AMELX: variants seen among roughly 807,000 people sequenced by gnomAD.
AMELX encodes the protein amelogenin, X isoform.
In AMELX, 9 loss-of-function variants were observed where a neutral mutation model predicts 15.8. The ratio of observed to expected loss-of-function variants is 0.57; its 90% confidence interval spans 0.34 to 0.99. AMELX has a LOEUF of 0.99. AMELX is among the 50% of genes least tolerant of loss of function. AMELX has a pLI of 0.02. For synonymous variants in AMELX, 61 were observed against 58.8 expected, an observed-to-expected ratio of 1.04 and a Z score of -0.17; for missense variants, 107 against 156.2, an observed-to-expected ratio of 0.68 and a Z score of 1.68.
the AMELX span, among the ~76,000 whole-genome samples, chrX:11,306,028 TG>T: frequency 9.0e-6 from 1 of 111,698 alleles, no homozygotes; most frequent in Non-Finnish European, 1.9e-5. Context: ...GCCTCCTTGC[TG>T]CTGTATCCCA....
chrX:11,303,897 T>C (rs183792073), downstream of AMELX, among the ~76,000 whole-genome samples: 2 of 112,029 alleles, frequency 1.8e-5, no homozygotes, highest in Admixed American at 9.4e-5. Flanking sequence ...TATCATGCTC[T>C]GCTCTGAGTC....
At chrX:11,294,908 C>A in intron 2 of AMELX, 66 bp downstream of exon 2, 1 of 1,122,072 alleles carries the variant, frequency 8.9e-7, no homozygotes, top group Non-Finnish European at 1.2e-6. Flanking sequence ...AAAATCTGCT[C>A]ATAGTTGGTG....
the AMELX span, among the ~76,000 whole-genome samples, chrX:11,309,047 C>T: frequency 5.4e-5 from 6 of 111,687 alleles, no homozygotes; most frequent in South Asian, 3.8e-4. Flanking sequence ...GAGACTCAAG[C>T]GCCAGGACAC....
chrX:11,296,707 C>T, intron 2 of AMELX, 72 bp from the exon 3 acceptor site: 1 of 1,064,095 alleles, frequency 9.4e-7, no homozygotes, highest in South Asian at 1.9e-5. Flanking sequence ...TTAATCTCTT[C>T]CTCTCTCTTC....
chrX:11,302,160 T>G (rs759142589), downstream of AMELX, among the ~76,000 whole-genome samples: 12 of 112,388 alleles, frequency 1.1e-4, no homozygotes, highest in African/African-American at 1.9e-4. Context: ...TCCTCCGTCA[T>G]AGTAGACACA....
At chrX:11,304,595 G>A (rs1409840947), downstream of AMELX, among the ~76,000 whole-genome samples, 5 of 109,048 alleles carry the variant, frequency 4.6e-5, no homozygotes, top group Non-Finnish European at 7.6e-5. Flanking sequence ...TCATGGGGGC[G>A]CTCCACTAAG....
downstream of AMELX, among the ~76,000 whole-genome samples, chrX:11,305,486 A>G (rs998043594): frequency 8.9e-6 from 1 of 112,593 alleles, no homozygotes; most frequent in Non-Finnish European, 1.9e-5. Flanking sequence ...GGAGGTTACA[A>G]GAAGCTTGTC....
intron 5 of AMELX, among the ~76,000 whole-genome samples, chrX:11,300,178 C>T (rs2048152439): frequency 8.9e-6 from 1 of 111,747 alleles, no homozygotes; most frequent in Admixed American, 9.5e-5. Context: ...TTATAATGTG[C>T]TCACATCTTG....
In AMELX at chrX:11,300,651, C is replaced by T. The variant is rs369247345; in HGVS notation, c.*39C>T. Reference sequence around the variant, plus strand: ...GAGAGGGGAATGAATACTTCAGATGCTTTCAGGAGTGACACAAGAACACAA... The same window carrying T: ...GAGAGGGGAATGAATACTTCAGATGTTTTCAGGAGTGACACAAGAACACAA... On this transcript the variant is annotated 3_prime_UTR_variant, in exon 6 of 6. Transcript: ENST00000380714. 9.5e-6 allele frequency: 11 copies of T among 1,162,385 alleles called. 1 individual carries two copies. The Admixed American group carries it at 1.1e-4, about 12-fold the overall frequency.
chrX:11,296,198 T>G (rs2048080944), intron 2 of AMELX, among the ~76,000 whole-genome samples: 1 of 112,617 alleles, frequency 8.9e-6, no homozygotes, highest in Non-Finnish European at 1.9e-5. Context: ...TGGTTTCTTT[T>G]GTGGCTTCTT....
At chrX:11,296,537 A>C (rs1345977300) in intron 2 of AMELX, among the ~76,000 whole-genome samples, 2 of 112,075 alleles carry the variant, frequency 1.8e-5, no homozygotes, top group Admixed American at 9.4e-5. Flanking sequence ...AACCCCAGGA[A>C]CAGTCATTTA....
At chrX:11,306,074 C>T in the AMELX span, among the ~76,000 whole-genome samples, 1 of 111,581 alleles carries the variant, frequency 9.0e-6, no homozygotes, top group Non-Finnish European at 1.9e-5. Context: ...ACCCTCACCT[C>T]AATGCCACCT....
rs764860638 is a variant in AMELX, at chrX:11,298,962, C to T, written c.559C>T (p.Arg187Trp). 9.9e-6 allele frequency: 12 copies of T among 1,207,710 alleles called. No homozygotes were observed. Among genetic ancestry groups the T allele is most frequent in the East Asian group, 3.0e-5 (1 of 33,704 alleles). The stretch of plus-strand genomic sequence containing the variant: ...TTGGCCATCAACAGACAAGACCAAG[C>T]GGGAGGAAGTGGTGAGTATATTTTG... ...EAWPSTDKTKREEVD is the reference protein window; with the variant it reads ...EAWPSTDKTKWEEVD Residue 187 changes from arginine to tryptophan, a missense_variant, in exon 5 of 6, where the codon CGG becomes TGG. Transcript: ENST00000380714.
At chrX:11,303,199 T>C (rs1485043280), downstream of AMELX, among the ~76,000 whole-genome samples, 1 of 112,770 alleles carries the variant, frequency 8.9e-6, no homozygotes, top group African/African-American at 3.2e-5. Flanking sequence ...TGTTGTGAAA[T>C]TCTTGTTAGT....
At chrX:11,308,911 T>C in the AMELX span, among the ~76,000 whole-genome samples, 1 of 112,215 alleles carries the variant, frequency 8.9e-6, no homozygotes, top group Non-Finnish European at 1.9e-5. Flanking sequence ...AATAAAAATA[T>C]ACACGTCTTG....
At chrX:11,294,969 G>A in intron 2 of AMELX, 127 bp downstream of exon 2, 1 of 773,864 alleles carries the variant, frequency 1.3e-6, no homozygotes, top group Admixed American at 2.4e-5. Context: ...ATGTCTCTGG[G>A]TTGAAGAAAC....
Position 11,300,596 on chromosome X carries a change from A to T in AMELX, c.571-11A>T, listed in dbSNP as rs2048159632. 8.4e-7 allele frequency: 1 copy of T among 1,191,289 alleles called. No individual in the cohort carries two copies. The highest frequency in any genetic ancestry group is 2.2e-5 in the Admixed American group (1 of 45,720). On this transcript the variant is annotated splice_polypyrimidine_tract_variant and intron_variant, in intron 5 of 5. Coordinates refer to ENST00000380714, the MANE Select transcript of AMELX (RefSeq NM_001142.2). ...AAATTATTTTAACTGTTCTTTTGCA[A>T]TTTTTTTCAGGATTAAAAGATCAGA... is the stretch of plus-strand genomic sequence containing the variant.
chrX:11,295,456 C>G (rs907084406), intron 2 of AMELX, among the ~76,000 whole-genome samples: 7 of 111,343 alleles, frequency 6.3e-5, no homozygotes, highest in Admixed American at 1.9e-4. Context: ...ATTTTATATT[C>G]AAATGTATTA....
At chrX:11,300,185 C>T (rs1025495635) in intron 5 of AMELX, among the ~76,000 whole-genome samples, 2 of 111,731 alleles carry the variant, frequency 1.8e-5, no homozygotes, top group Non-Finnish European at 3.8e-5. Flanking sequence ...GTGCTCACAT[C>T]TTGACAAAGC....
Sources: gnomAD v4.1 joint callset for allele counts (sites outside exome capture counted in the v4.1 genomes callset) on GRCh38, gnomAD v4.1.1 for gene constraint, MANE v1.5 for transcripts, NCBI Gene and HGNC (gene_info 2026-07-23, HGNC 2026-07-21) for gene names.